Variants in IGSF3 observed in about 807,000 individuals in gnomAD.
IGSF3 encodes glu-Trp-Ile EWI motif-containing protein 3.
A neutral mutation model predicts 114.4 loss-of-function variants in IGSF3; 23 were observed. The observed-to-expected ratio is 0.20, with a 90% CI of 0.14 to 0.28. The LOEUF is 0.28. IGSF3 is among the 10% of genes least tolerant of loss of function. The probability of loss-of-function intolerance (pLI) is 1.00; values close to 1 mark genes in which losing one functional copy is unlikely to be tolerated. For missense variants in IGSF3, 1,172 were observed against 1,591.5 expected (o/e 0.74, Z 4.48); for synonymous variants, 571 against 645.2 (o/e 0.88, Z 1.74).
In IGSF3 at chr1:116,657,958, G is replaced by A. The variant is rs918359713; in HGVS notation, c.43+8326C>T. On this transcript the variant is annotated intron_variant, in intron 2 of 10. Transcript: ENST00000369486. The surrounding 1 kb of genome is among the most constrained non-coding windows in gnomAD (Gnocchi z 4.2). ...AAGGCCTGGACACCTGAAAGTTGAC[G>A]GGAAGCAGGCATTACTCATTTCTCC... Among the ~76,000 whole-genome samples, 2 of 151,620 alleles carry A rather than the reference G, an allele frequency of 1.3e-5. No homozygotes were observed. Among genetic ancestry groups the A allele is most frequent in the South Asian group, 2.1e-4 (1 of 4,796 alleles).
At position 116,632,266 on chromosome 1, in the gene IGSF3, T is replaced by TC. The variant is rs1647623672; in HGVS notation, c.44-15810dup. Among the ~76,000 whole-genome samples the TC allele has an allele frequency of 6.6e-6, 1 of 152,026 alleles. No homozygotes were observed. Among genetic ancestry groups the TC allele is most frequent in the African/African-American group, 2.4e-5 (1 of 41,372 alleles). On this transcript the variant is annotated intron_variant, in intron 2 of 10. Transcript: ENST00000369486. This position sits in a 1 kb window ranked among gnomAD's most constrained non-coding sequence, Gnocchi z 5.1. ...AATCGAAACCAGAAAATGCTGACCA[T>TC]CCCCCAAAACCTCCCACCCCACCTA...
In IGSF3 at chr1:116,666,461, A is replaced by G. The variant is rs1649338336; in HGVS notation, c.-135T>C. ...AACTTAACTCGGAAAATGGGAACAGATTAAAAAGAAGAGATCAGAAGGAGG... is the reference window on the plus strand; with the variant it reads ...AACTTAACTCGGAAAATGGGAACAGGTTAAAAAGAAGAGATCAGAAGGAGG... On this transcript the variant is annotated 5_prime_UTR_variant, in exon 2 of 11. Coordinates refer to ENST00000369486, the MANE Select transcript of IGSF3 (RefSeq NM_001007237.3). The G allele has an allele frequency of 1.2e-6, 1 of 824,448 alleles. No homozygotes were observed. Among genetic ancestry groups the G allele is most frequent in the Non-Finnish European group, 2.1e-6 (1 of 487,114 alleles). The allele number at this position is 824,448 out of a possible 1,614,324, so 51.1% of individuals were successfully genotyped here.
chr1:116,663,379 C>T (rs1400635733), intron 2 of IGSF3, among the ~76,000 whole-genome samples: 1 of 152,146 alleles, frequency 6.6e-6, no homozygotes, highest in African/African-American at 2.4e-5. Flanking sequence ...CCTCTATTCT[C>T]TCTCTAATCT....
intron 8 of IGSF3, among the ~76,000 whole-genome samples, chr1:116,586,932 T>G (rs1024707599): frequency 6.6e-5 from 10 of 151,860 alleles, no homozygotes; most frequent in Admixed American, 1.3e-4. Flanking sequence ...TGGGAATCAC[T>G]TCAGACCAGA....
chr1:116,628,578 A>G lies in IGSF3; in HGVS notation c.44-12121T>C, dbSNP rs2101036008. 6.6e-6 allele frequency among the ~76,000 whole-genome samples: 1 copy of G among 152,298 alleles called. No individual in the cohort carries two copies. The highest frequency in any genetic ancestry group is 1.9e-4 in the East Asian group (1 of 5,184). On this transcript the variant is annotated intron_variant, in intron 2 of 10. Transcript: ENST00000369486. This position sits in a 1 kb window ranked among gnomAD's most constrained non-coding sequence, Gnocchi z 4.2. ...AGGGCCCCCAAACCATTCCCCACCAAGAGTGTGGGTGGCAGGCACCCTGAA... is the reference window on the plus strand; with the variant it reads ...AGGGCCCCCAAACCATTCCCCACCAGGAGTGTGGGTGGCAGGCACCCTGAA...
At position 116,662,444 on chromosome 1, in the gene IGSF3, T is replaced by C. The variant is rs1557889965; in HGVS notation, c.43+3840A>G. The stretch of plus-strand genomic sequence containing the variant: ...AATGTGATAATGCAAGGTATCTATC[T>C]TACAGGGTTGTTTTGAAGACTGATT... On this transcript the variant is annotated intron_variant, in intron 2 of 10. Coordinates refer to ENST00000369486, the MANE Select transcript of IGSF3 (RefSeq NM_001007237.3). The surrounding 1 kb of genome is among the most constrained non-coding windows in gnomAD (Gnocchi z 4.3). Among the ~76,000 whole-genome samples, 1 of 152,180 alleles carries C rather than the reference T, an allele frequency of 6.6e-6. No homozygotes were observed. The highest frequency in any genetic ancestry group is 2.1e-4 in the South Asian group (1 of 4,826).
Position 116,605,361 on chromosome 1 carries a change from T to G in IGSF3, c.1223-1336A>C, listed in dbSNP as rs1660756141. 6.6e-6 allele frequency among the ~76,000 whole-genome samples: 1 copy of G among 151,984 alleles called. No individual in the cohort carries two copies. Among genetic ancestry groups the G allele is most frequent in the Non-Finnish European group, 1.5e-5 (1 of 68,030 alleles). ...CTGAGCCTCCACATGTAGCTCTTAT[T>G]ATAGTGAGGATGCCTGCTATCCATT... On this transcript the variant is annotated intron_variant, in intron 5 of 10. Transcript: ENST00000369486. This position sits in a 1 kb window ranked among gnomAD's most constrained non-coding sequence, Gnocchi z 5.1.
At chr1:116,590,917 G>A (rs567583417) in intron 7 of IGSF3, among the ~76,000 whole-genome samples, 19 of 152,314 alleles carry the variant, frequency 1.2e-4, no homozygotes, top group East Asian at 9.6e-4. Context: ...GCAACACTGC[G>A]GAGCATCTCC....
chr1:116,609,184 G>T (rs1175392154), intron 4 of IGSF3, among the ~76,000 whole-genome samples: 4 of 151,944 alleles, frequency 2.6e-5, no homozygotes, highest in Admixed American at 2.6e-4. Flanking sequence ...AAGCCAGACA[G>T]CCTCTGAAAT....
At position 116,603,732 on chromosome 1, in the gene IGSF3, C is replaced by T. The variant is rs760407538; in HGVS notation, c.1516G>A (p.Glu506Lys). ...LGIFNSRKED[E>K]GQYECHVTEW... ...GTCACATGGCATTCATACTGGCCCT[C>T]GTCCTCCTTCCTGCTGTTGAAGATG... The change falls in exon 6 of 11, where the codon GAG becomes AAG. Residue 506 changes from glutamate to lysine, a missense_variant. Glu to Lys is a moderately conservative substitution (Grantham distance 56). Around this residue, in one of 3 missense-constraint regions of IGSF3, gnomAD observed 736 missense variants for 1,042.0 expected, o/e 0.71. Coordinates refer to ENST00000369486, the MANE Select transcript of IGSF3 (RefSeq NM_001007237.3). The surrounding 1 kb of genome is among the most constrained non-coding windows in gnomAD (Gnocchi z 7.1). The T allele has an allele frequency of 5.0e-6, 8 of 1,613,972 alleles. No homozygotes were observed. Among genetic ancestry groups the T allele is most frequent in the Admixed American group, 1.7e-5 (1 of 60,020 alleles).
In IGSF3 at chr1:116,628,919, C is replaced by T. The variant is rs753121822; in HGVS notation, c.44-12462G>A. 3.3e-5 allele frequency among the ~76,000 whole-genome samples: 5 copies of T among 152,204 alleles called. No homozygotes were observed. Among genetic ancestry groups the T allele is most frequent in the Non-Finnish European group, 7.3e-5 (5 of 68,040 alleles). ...TTCTAGGGAGGCACAGATAAGCCAGCATCACAGATGCAAAAATAACAGAAC... is the reference window on the plus strand; with the variant it reads ...TTCTAGGGAGGCACAGATAAGCCAGTATCACAGATGCAAAAATAACAGAAC... On this transcript the variant is annotated intron_variant, in intron 2 of 10. Transcript: ENST00000369486. The surrounding 1 kb of genome is among the most constrained non-coding windows in gnomAD (Gnocchi z 4.2).
chr1:116,660,095 A>C (rs4044702), intron 2 of IGSF3, among the ~76,000 whole-genome samples: 2 of 152,168 alleles, frequency 1.3e-5, no homozygotes, highest in Non-Finnish European at 2.9e-5. Context: ...AACTCATTAT[A>C]ATTCAAACCA....
In IGSF3 at chr1:116,579,759, G is replaced by A. The variant is rs1383994102; in HGVS notation, c.2967C>T (p.Ala989=). 8 of 1,613,438 alleles carry A rather than the reference G, an allele frequency of 5.0e-6. No individual in the cohort carries two copies. Among genetic ancestry groups the A allele is most frequent in the Non-Finnish European group, 6.8e-6 (8 of 1,179,706 alleles). ...RSSQDSRFAV[A]WYSLRTKAGG... is the part of the protein sequence containing the mutation. ...CAGCTTTAGTCCTCAGGGAATACCA[G>A]GCCACAGCGAAGCGGGAGTCCTGGC... Residue 989 remains alanine (A), a synonymous_variant, in exon 10 of 11, where the codon GCC becomes GCT. Coordinates refer to ENST00000369486, the MANE Select transcript of IGSF3 (RefSeq NM_001007237.3). The surrounding 1 kb of genome is among the most constrained non-coding windows in gnomAD (Gnocchi z 6.4).
chr1:116,579,315 T>C lies in IGSF3; in HGVS notation c.3334+77A>G, dbSNP rs1659487475. The C allele has an allele frequency of 6.6e-7, 1 of 1,505,154 alleles. No homozygotes were observed. The highest frequency in any genetic ancestry group is 8.9e-7 in the Non-Finnish European group (1 of 1,125,590). The allele number at this position is 1,505,154 out of a possible 1,614,324, so 93.2% of individuals were successfully genotyped here. On this transcript the variant is annotated intron_variant, in intron 10 of 10. Transcript: ENST00000369486. This position sits in a 1 kb window ranked among gnomAD's most constrained non-coding sequence, Gnocchi z 6.4. ...GTTAAGAAAACTGTTTATTAACCCA[T>C]AATCAAGCTCAAATTTATCTTCCAG...
intron 2 of IGSF3, among the ~76,000 whole-genome samples, chr1:116,620,933 A>G (rs554638495): frequency 6.6e-6 from 1 of 152,210 alleles, no homozygotes; most frequent in South Asian, 2.1e-4. Context: ...TAGAGACGGG[A>G]TGATATGGTT....
chr1:116,597,045 T>G (rs1660372513), intron 7 of IGSF3, among the ~76,000 whole-genome samples: 1 of 152,238 alleles, frequency 6.6e-6, no homozygotes, highest in Non-Finnish European at 1.5e-5. Flanking sequence ...GAATAATCTC[T>G]GATTACATAG....
At chr1:116,641,495 C>CAAAAAAAAAA (rs57930787) in intron 2 of IGSF3, among the ~76,000 whole-genome samples, 13 of 40,650 alleles carry the variant, frequency 3.2e-4, no homozygotes, top group South Asian at 1.2e-3. Flanking sequence ...GACTCTGTCT[C>CAAAAAAAAAA]AAAAAAAAAA....
chr1:116,619,605 A>C (rs1314386780), intron 2 of IGSF3, among the ~76,000 whole-genome samples: 4 of 152,054 alleles, frequency 2.6e-5, no homozygotes, highest in Non-Finnish European at 2.9e-5. Context: ...CCCCTTCCAC[A>C]CATCCCACCC....
intron 5 of IGSF3, among the ~76,000 whole-genome samples, chr1:116,606,054 A>G (rs1180871631): frequency 6.6e-6 from 1 of 152,248 alleles, no homozygotes; most frequent in African/African-American, 2.4e-5. Context: ...GCCCACTAAC[A>G]CTATTTACAA....
Sources: allele counts gnomAD v4.1 joint callset (sites outside exome capture counted in the v4.1 genomes callset), GRCh38; gene constraint gnomAD v4.1.1; regional missense constraint gnomAD v4.1.1; non-coding constraint Gnocchi (gnomAD v3.1); transcripts MANE v1.5; gene names NCBI Gene and HGNC (gene_info 2026-07-23, HGNC 2026-07-21).